The following GALNT2 variants were observed in gnomAD, a reference collection of about 807,000 sequenced individuals.
GALNT2 encodes the protein polypeptide N-acetylgalactosaminyltransferase 2.
A neutral mutation model predicts 81.4 loss-of-function variants in GALNT2; 31 were observed. The ratio of observed to expected loss-of-function variants is 0.38; its 90% confidence interval spans 0.29 to 0.51. The LOEUF is 0.51. Among genes scored for constraint, GALNT2 ranks in the 20% least tolerant of loss-of-function variants. The pLI is 0.87. For missense variants in GALNT2, 629 were observed against 765.7 expected, an observed-to-expected ratio of 0.82 and a Z score of 2.11; for synonymous variants, 303 against 287.4, an observed-to-expected ratio of 1.05 and a Z score of -0.55.
chr1:230,217,346 G>C (rs1044383518), intron 3 of GALNT2, among the ~76,000 whole-genome samples: 5 of 152,178 alleles, frequency 3.3e-5, no homozygotes, highest in African/African-American at 1.2e-4. Context: ...ACTGGGAAGA[G>C]AGTTCTCATC....
At chr1:230,128,441 C>G (rs1218370859) in intron 1 of GALNT2, among the ~76,000 whole-genome samples, 1 of 152,052 alleles carries the variant, frequency 6.6e-6, no homozygotes. Context: ...GCCACAGAGC[C>G]CAGCGTCTGC....
chr1:230,148,007 C>T (rs1275594698), intron 1 of GALNT2, among the ~76,000 whole-genome samples: 1 of 152,214 alleles, frequency 6.6e-6, no homozygotes, highest in Non-Finnish European at 1.5e-5. Context: ...TATGATCACT[C>T]AGCAACCTCG....
chr1:230,079,181 T>C (rs1048365679), intron 1 of GALNT2, among the ~76,000 whole-genome samples: 1 of 152,282 alleles, frequency 6.6e-6, no homozygotes. Flanking sequence ...AAGATATTGA[T>C]GCTAAAGGCT....
chr1:230,102,762 T>C (rs1660437809), intron 1 of GALNT2, among the ~76,000 whole-genome samples: 1 of 152,082 alleles, frequency 6.6e-6, no homozygotes, highest in Non-Finnish European at 1.5e-5. Flanking sequence ...TCATAGCCAT[T>C]GATGGAAACA....
At chr1:230,210,217 T>C (rs561351045) in intron 3 of GALNT2, among the ~76,000 whole-genome samples, 2 of 152,326 alleles carry the variant, frequency 1.3e-5, no homozygotes, top group African/African-American at 4.8e-5. Flanking sequence ...GAAATCTCTT[T>C]CTCTCTACTA....
At chr1:230,145,561 A>T (rs973550491) in intron 1 of GALNT2, among the ~76,000 whole-genome samples, 2 of 152,236 alleles carry the variant, frequency 1.3e-5, no homozygotes, top group African/African-American at 4.8e-5. Flanking sequence ...TTCTCTGGGG[A>T]TTCCTCCGCT....
At chr1:230,057,974 A>G, upstream of GALNT2, 1 of 454,422 alleles carries the variant, frequency 2.2e-6, no homozygotes, top group Admixed American at 2.4e-5. Context: ...GAAGGGAGGA[A>G]AGGGCTCTGA....
intron 1 of GALNT2, among the ~76,000 whole-genome samples, chr1:230,146,436 T>C (rs1661918511): frequency 1.3e-5 from 2 of 152,222 alleles, no homozygotes; most frequent in Non-Finnish European, 2.9e-5. Context: ...TTTCATTTCC[T>C]CTGGAGGTGT....
chr1:230,245,329 TG>T (rs1031046021), intron 7 of GALNT2, among the ~76,000 whole-genome samples: 2 of 152,034 alleles, frequency 1.3e-5, no homozygotes, highest in African/African-American at 4.8e-5. Flanking sequence ...CTGGGCGTGG[TG>T]GTGCATATCT....
At chr1:230,136,429 C>T (rs973293870) in intron 1 of GALNT2, among the ~76,000 whole-genome samples, 2 of 152,158 alleles carry the variant, frequency 1.3e-5, no homozygotes, top group Non-Finnish European at 2.9e-5. Flanking sequence ...CTTTAGACAT[C>T]GAACCTAATG....
chr1:230,085,619 T>C (rs1659875653), intron 1 of GALNT2, among the ~76,000 whole-genome samples: 1 of 152,220 alleles, frequency 6.6e-6, no homozygotes, highest in African/African-American at 2.4e-5. Flanking sequence ...GGGTCTGGCA[T>C]GATCCAGTTC....
At chr1:230,226,770 G>T (rs1362459049) in intron 3 of GALNT2, among the ~76,000 whole-genome samples, 1 of 152,212 alleles carries the variant, frequency 6.6e-6, no homozygotes, top group African/African-American at 2.4e-5. Context: ...TGAGAAAACT[G>T]CCTGTGTTTC....
intron 3 of GALNT2, among the ~76,000 whole-genome samples, chr1:230,209,393 T>C (rs111707139): frequency 8.1e-6 from 1 of 123,446 alleles, no homozygotes; most frequent in African/African-American, 3.3e-5. Flanking sequence ...GGTGTCCTTA[T>C]AGGAGGAGGA....
chr1:230,221,803 T>G (rs1339197477), intron 3 of GALNT2, among the ~76,000 whole-genome samples: 1 of 152,176 alleles, frequency 6.6e-6, no homozygotes, highest in Non-Finnish European at 1.5e-5. Flanking sequence ...TTACTTGAAT[T>G]AATTTGATTT....
intron 2 of GALNT2, among the ~76,000 whole-genome samples, chr1:230,190,322 G>A (rs1663479940): frequency 6.6e-6 from 1 of 152,212 alleles, no homozygotes; most frequent in Non-Finnish European, 1.5e-5. Context: ...TGCCCCCATA[G>A]CTGAGACGAA....
intron 2 of GALNT2, among the ~76,000 whole-genome samples, chr1:230,181,784 G>A (rs115526761): frequency 0.041 from 6,213 of 152,234 alleles, 503 homozygotes; most frequent in East Asian, 0.37. Flanking sequence ...TTCTGCTTCT[G>A]TCTTCTGGAA....
At chr1:230,206,663 A>G (rs1263088201) in intron 3 of GALNT2, among the ~76,000 whole-genome samples, 1 of 152,158 alleles carries the variant, frequency 6.6e-6, no homozygotes, top group Non-Finnish European at 1.5e-5. Context: ...TGCAGTATCT[A>G]CCTTCGTGTT....
At chr1:230,235,207 C>G (rs1664987988) in intron 3 of GALNT2, among the ~76,000 whole-genome samples, 1 of 121,638 alleles carries the variant, frequency 8.2e-6, no homozygotes, top group African/African-American at 3.6e-5. Context: ...GAGTTGGACC[C>G]TGTCTCAAAA....
chr1:230,094,211 A>G (rs1452607913), intron 1 of GALNT2, among the ~76,000 whole-genome samples: 1 of 101,546 alleles, frequency 9.8e-6, no homozygotes, highest in African/African-American at 3.9e-5. Flanking sequence ...GGGTTTTGCT[A>G]TGTTGCTCAG....
Sources: gnomAD v4.1 joint callset for allele counts (sites outside exome capture counted in the v4.1 genomes callset) on GRCh38, gnomAD v4.1.1 for gene constraint, MANE v1.5 for transcripts, NCBI Gene and HGNC (gene_info 2026-07-23, HGNC 2026-07-21) for gene names.